The following NOD2 variants were observed in gnomAD, a reference collection of about 807,000 sequenced individuals.
The protein encoded by NOD2 is nucleotide-binding oligomerization domain-containing protein 2.
Under a neutral mutation model 90.9 loss-of-function variants are expected in NOD2, and 86 were observed. That is an observed-to-expected ratio of 0.95 (90% confidence interval 0.79 to 1.13). The LOEUF (loss-of-function observed/expected upper bound fraction) is 1.13. Among genes scored for constraint, NOD2 ranks in the 50% most tolerant of loss-of-function variants. The probability of loss-of-function intolerance (pLI) is 0.00; values close to 1 mark genes in which losing one functional copy is unlikely to be tolerated. For missense variants in NOD2, 1,238 were observed against 1,283.8 expected (o/e 0.96, Z 0.55); for synonymous variants, 581 against 554.6 (o/e 1.05, Z -0.67).
intron 10 of NOD2, chr16:50,727,612 G>T (rs1006534351): frequency 8.4e-5 from 25 of 297,176 alleles, no homozygotes; most frequent in African/African-American, 5.1e-4. Flanking sequence ...GATTCTTGAA[G>T]AAATGGTAGT....
chr16:50,711,463 C>G lies in NOD2; in HGVS notation c.1471C>G (p.Leu491Val). The G allele has an allele frequency of 6.2e-7, 1 of 1,613,484 alleles. No homozygotes were observed. The highest frequency in any genetic ancestry group is 1.3e-5 in the African/African-American group (1 of 75,054). The change falls in exon 4 of 12, where the codon CTG becomes GTG. Residue 491 changes from leucine (L) to valine (V), a missense_variant. By Grantham distance (32) the Leu-to-Val change is conservative (BLOSUM62 1). Coordinates refer to ENST00000647318, the MANE Select transcript of NOD2 (RefSeq NM_001370466.1). Reference sequence around the variant, plus strand: ...CACTACAGATATGTACCTGCTGATTCTGCAGCATTTTCTGCTGCATGCCAC... The same window carrying G: ...CACTACAGATATGTACCTGCTGATTGTGCAGCATTTTCTGCTGCATGCCAC... The part of the protein sequence containing the change: ...KTTTDMYLLI[L>V]QHFLLHATPP...
chr16:50,699,561 C>G lies in NOD2; in HGVS notation c.66C>G (p.Ser22=). The part of the protein sequence containing the change: ...SQLVELLVSG[S]LEGFESVLDW... ...TGGTCGAGCTGCTGGTCTCAGGGTC[C>G]CTGGAAGGCTTCGAGAGTGTCCTGG... Residue 22 remains serine, a synonymous_variant, in exon 2 of 12, where the codon TCC becomes TCG. Coordinates refer to ENST00000647318, the MANE Select transcript of NOD2 (RefSeq NM_001370466.1). 6.2e-7 allele frequency: 1 copy of G among 1,613,986 alleles called. No individual in the cohort carries two copies.
In NOD2 at chr16:50,731,528, C is replaced by G. The variant is rs999414338; in HGVS notation, c.2970-219C>G. On this transcript the variant is annotated intron_variant, in intron 11 of 11. Transcript: ENST00000647318. The stretch of plus-strand genomic sequence containing the variant: ...GGCTGGCTGGGTGCAGTGTTGTGGA[C>G]TCTCTCTGCAGAGTCATGGAGCCTT... Among the ~76,000 whole-genome samples the G allele has an allele frequency of 2.6e-5, 4 of 152,136 alleles. No individual in the cohort carries two copies. In the South Asian group the frequency reaches 8.3e-4, roughly 32 times the overall value.
chr16:50,716,007 C>G (rs1389789998), intron 4 of NOD2, among the ~76,000 whole-genome samples: 1 of 152,146 alleles, frequency 6.6e-6, no homozygotes, highest in Non-Finnish European at 1.5e-5. Flanking sequence ...AATGGTGCCC[C>G]AAGAGGAGTG....
intron 1 of NOD2, among the ~76,000 whole-genome samples, chr16:50,694,838 G>C (rs572629744): frequency 2.0e-5 from 3 of 152,280 alleles, no homozygotes; most frequent in African/African-American, 7.2e-5. Flanking sequence ...GAAAGGAATG[G>C]ACAGCAATGA....
chr16:50,728,340 G>A (rs1423635870), intron 10 of NOD2: 2 of 387,550 alleles, frequency 5.2e-6, no homozygotes, highest in Non-Finnish European at 1.0e-5. Flanking sequence ...CAGTTCCTGG[G>A]CCAAATGCAT....
intron 2 of NOD2, among the ~76,000 whole-genome samples, chr16:50,706,853 C>G (rs11642482): frequency 0.33 from 50,282 of 151,756 alleles, 9,103 homozygotes; most frequent in Non-Finnish European, 0.4. Flanking sequence ...CCTGCCACCA[C>G]GCCTGGCTAA....
At chr16:50,702,227 C>A (rs1254822974) in intron 2 of NOD2, among the ~76,000 whole-genome samples, 1 of 152,204 alleles carries the variant, frequency 6.6e-6, no homozygotes, top group Admixed American at 6.5e-5. Flanking sequence ...AGCCACTGCG[C>A]CCATCTAAGG....
intron 2 of NOD2, among the ~76,000 whole-genome samples, chr16:50,707,118 G>A (rs566211602): frequency 1.3e-5 from 2 of 152,320 alleles, no homozygotes; most frequent in East Asian, 1.9e-4. Context: ...TAAAAAATAT[G>A]TCTGTTAGAG....
At chr16:50,729,144 T>G (rs1461984609) in intron 10 of NOD2, 1 of 153,194 alleles carries the variant, frequency 6.5e-6, no homozygotes, top group Non-Finnish European at 1.5e-5. Context: ...ATCATGAAAC[T>G]TATTTACTGT....
At chr16:50,694,502 C>T (rs75391704) in intron 1 of NOD2, among the ~76,000 whole-genome samples, 3,223 of 152,252 alleles carry the variant, frequency 0.021, 49 homozygotes, top group Non-Finnish European at 0.03. Flanking sequence ...CTCGCTGCAC[C>T]CTGGGATCTG....
At chr16:50,693,841 G>A (rs1963523211) in intron 1 of NOD2, among the ~76,000 whole-genome samples, 179 bp downstream of exon 1, 1 of 152,140 alleles carries the variant, frequency 6.6e-6, no homozygotes, top group Non-Finnish European at 1.5e-5. Flanking sequence ...GAGACGGAAA[G>A]GGGGCATCTC....
At position 50,722,589 on chromosome 16, in the gene NOD2, G is replaced by A. The variant is rs768474922; in HGVS notation, c.2634-33G>A. The A allele has an allele frequency of 1.8e-5, 28 of 1,597,014 alleles. No individual in the cohort carries two copies. The Admixed American group carries it at 4.5e-4, about 26-fold the overall frequency. ...CTAGAACACATATCAGGTACTCACTGACACTGTCTGTTGACTCTTTTGGCC... is the reference window on the plus strand; with the variant it reads ...CTAGAACACATATCAGGTACTCACTAACACTGTCTGTTGACTCTTTTGGCC... On this transcript the variant is annotated intron_variant, in intron 7 of 11. Coordinates refer to ENST00000647318, the MANE Select transcript of NOD2 (RefSeq NM_001370466.1).
In NOD2 at chr16:50,724,364, G is replaced by T. The variant is rs184591129; in HGVS notation, c.2801+980G>T. ...ACCTTGTTATGAGAGCATCAGTTAT[G>T]ATTACTGTTAAAAGAAAAACTTTAG... On this transcript the variant is annotated intron_variant, in intron 9 of 11. Coordinates refer to ENST00000647318, the MANE Select transcript of NOD2 (RefSeq NM_001370466.1). Among the ~76,000 whole-genome samples the T allele has an allele frequency of 9.7e-4, 147 of 152,302 alleles. 1 individual carries two copies. Among genetic ancestry groups the T allele is most frequent in the Admixed American group, 2.0e-3 (31 of 15,292 alleles).
At chr16:50,727,653 G>A (rs997229234) in intron 10 of NOD2, 10 of 350,170 alleles carry the variant, frequency 2.9e-5, no homozygotes, top group African/African-American at 1.9e-4. Context: ...AAATATGGCG[G>A]ATGAGGCAAA....
At chr16:50,727,945 C>A in intron 10 of NOD2, 1 of 257,756 alleles carries the variant, frequency 3.9e-6, no homozygotes, top group South Asian at 4.3e-5. Flanking sequence ...AGCTTCTTCT[C>A]GGTCCAACCA....
chr16:50,713,610 T>G (rs773810702), intron 4 of NOD2: 2 of 151,328 alleles, frequency 1.3e-5, no homozygotes, highest in African/African-American at 2.4e-5. Context: ...GAGGAGAGTT[T>G]GAAAAACAGA....
intron 2 of NOD2, among the ~76,000 whole-genome samples, chr16:50,703,287 T>C (rs1209276865): frequency 6.6e-6 from 1 of 152,166 alleles, no homozygotes; most frequent in African/African-American, 2.4e-5. Flanking sequence ...CCCCAAATAA[T>C]GTATTGTTCT....
chr16:50,709,646 G>C (rs947211179), intron 3 of NOD2, among the ~76,000 whole-genome samples: 1 of 152,110 alleles, frequency 6.6e-6, no homozygotes, highest in Non-Finnish European at 1.5e-5. Flanking sequence ...GTGACCCCGA[G>C]GCCTTCCCTT....
Sources: allele counts gnomAD v4.1 joint callset (sites outside exome capture counted in the v4.1 genomes callset), GRCh38; gene constraint gnomAD v4.1.1; transcripts MANE v1.5; gene names NCBI Gene and HGNC (gene_info 2026-07-23, HGNC 2026-07-21).